CDH12: variants seen among roughly 807,000 people sequenced by gnomAD.
CDH12 encodes the protein cadherin-12.
A neutral mutation model predicts 74.1 loss-of-function variants in CDH12; 41 were observed. The observed-to-expected ratio is 0.55, with a 90% CI of 0.43 to 0.72. The LOEUF (loss-of-function observed/expected upper bound fraction) is 0.72. Ranked by LOEUF, CDH12 falls within the 30% of genes least tolerant of loss-of-function variation. CDH12 has a pLI of 0.00. For synonymous variants in CDH12, 399 were observed against 355.0 expected (o/e 1.12, Z -1.39); for missense variants, 945 against 977.2 (o/e 0.97, Z 0.44).
chr5:21,783,393 G>T lies in CDH12; in HGVS notation c.1358C>A (p.Ala453Glu). ...CGCAATTATGGAGAAATTATACTGC[G>T]CAGTGCTTTCTCTGTCTAGTAATTC... ...TNELLDRESTAQYNFSIIASK... is the reference protein window; with the variant it reads ...TNELLDRESTEQYNFSIIASK... The change falls in exon 11 of 15, where the codon GCG becomes GAG. Residue 453 changes from alanine to glutamate, a missense_variant. Transcript: ENST00000382254. The T allele has an allele frequency of 6.2e-7, 1 of 1,612,548 alleles. No individual in the cohort carries two copies. Among genetic ancestry groups the T allele is most frequent in the Non-Finnish European group, 8.5e-7 (1 of 1,178,720 alleles).
chr5:21,773,322 AC>A, intron 11 of CDH12, among the ~76,000 whole-genome samples: 1 of 152,128 alleles, frequency 6.6e-6, no homozygotes, highest in East Asian at 1.9e-4. Context: ...GAGTCAGTGA[AC>A]TGAAAGAGGC....
At chr5:22,276,140 C>T (rs1047247950) in intron 3 of CDH12, among the ~76,000 whole-genome samples, 1 of 152,070 alleles carries the variant, frequency 6.6e-6, no homozygotes, top group Non-Finnish European at 1.5e-5. Context: ...ATTAACCAAG[C>T]TTTAAGTGTT....
At chr5:22,789,361 T>C (rs974464220) in intron 1 of CDH12, among the ~76,000 whole-genome samples, 1 of 151,958 alleles carries the variant, frequency 6.6e-6, no homozygotes. Flanking sequence ...ACAAAAAAAT[T>C]GTAATATAGA....
intron 9 of CDH12, among the ~76,000 whole-genome samples, chr5:21,808,360 T>G (rs540130374): frequency 2.0e-5 from 3 of 152,152 alleles, no homozygotes; most frequent in African/African-American, 7.2e-5. Context: ...ACTTCAATTT[T>G]TATAGTAAGC....
At chr5:22,377,162 C>G (rs571178562) in intron 3 of CDH12, among the ~76,000 whole-genome samples, 58 of 152,184 alleles carry the variant, frequency 3.8e-4, no homozygotes, top group African/African-American at 1.3e-3. Flanking sequence ...ATACAGCAAC[C>G]AATAATACCA....
chr5:22,315,795 A>T (rs1223532131), intron 3 of CDH12, among the ~76,000 whole-genome samples: 20 of 152,208 alleles, frequency 1.3e-4, no homozygotes, highest in Admixed American at 1.3e-3. Context: ...AGAGTAATAA[A>T]AGATGGCTTT....
At chr5:22,409,551 C>CAT (rs1389263594) in intron 2 of CDH12, among the ~76,000 whole-genome samples, 22 of 152,078 alleles carry the variant, frequency 1.4e-4, no homozygotes, top group Middle Eastern at 3.4e-3. Context: ...ACTCTAGAGT[C>CAT]ATAATACTTT....
intron 2 of CDH12, among the ~76,000 whole-genome samples, chr5:22,442,869 T>C (rs1436925731): frequency 6.6e-6 from 1 of 152,158 alleles, no homozygotes; most frequent in Non-Finnish European, 1.5e-5. Flanking sequence ...TATAACATCA[T>C]TGAATAATCA....
chr5:22,216,117 G>A (rs1297731914), intron 3 of CDH12, among the ~76,000 whole-genome samples: 3 of 151,910 alleles, frequency 2.0e-5, no homozygotes, highest in African/African-American at 7.2e-5. Flanking sequence ...CCACTATGTC[G>A]AACAAATATG....
chr5:21,827,301 AT>A (rs1748731760), intron 8 of CDH12, among the ~76,000 whole-genome samples: 1 of 152,026 alleles, frequency 6.6e-6, no homozygotes, highest in Non-Finnish European at 1.5e-5. Flanking sequence ...AGTGATGCAA[AT>A]TTCAATTTAC....
intron 5 of CDH12, among the ~76,000 whole-genome samples, chr5:22,001,444 T>C (rs1392527342): frequency 6.6e-6 from 1 of 152,182 alleles, no homozygotes; most frequent in Admixed American, 6.6e-5. Flanking sequence ...CCTTATGCAG[T>C]AAACATGGGA....
At chr5:21,781,194 A>T (rs1354971439) in intron 11 of CDH12, among the ~76,000 whole-genome samples, 1 of 152,150 alleles carries the variant, frequency 6.6e-6, no homozygotes, top group Non-Finnish European at 1.5e-5. Context: ...TCAGCTGGAC[A>T]CAGGAGAAAG....
chr5:21,833,301 TTATATGTTATATGTTATA>T (rs1749291877), intron 8 of CDH12, among the ~76,000 whole-genome samples: 2 of 52,060 alleles, frequency 3.8e-5, no homozygotes, highest in Non-Finnish European at 5.4e-5. Flanking sequence ...ATAATATATA[TTATATGTTATATGTTATA>T]TAATATATAT....
At chr5:22,609,103 C>A (rs1478171083) in intron 1 of CDH12, among the ~76,000 whole-genome samples, 1 of 151,968 alleles carries the variant, frequency 6.6e-6, no homozygotes, top group African/African-American at 2.4e-5. Context: ...AGTGGGTGAC[C>A]CCCTATTTTG....
intron 1 of CDH12, among the ~76,000 whole-genome samples, chr5:22,614,171 C>G (rs1203432356): frequency 6.6e-6 from 1 of 152,036 alleles, no homozygotes; most frequent in East Asian, 1.9e-4. Flanking sequence ...GTATTTGACG[C>G]ACATTTATTA....
chr5:21,866,899 C>T (rs990442676), intron 6 of CDH12, among the ~76,000 whole-genome samples: 1 of 152,076 alleles, frequency 6.6e-6, no homozygotes, highest in Non-Finnish European at 1.5e-5. Flanking sequence ...GTGGGCCTGC[C>T]CCAGGGTCCC....
chr5:21,871,156 G>A (rs1247304022), intron 6 of CDH12, among the ~76,000 whole-genome samples: 1 of 152,068 alleles, frequency 6.6e-6, no homozygotes, highest in Non-Finnish European at 1.5e-5. Flanking sequence ...AATAGTGAGG[G>A]CTAAGAATTC....
At chr5:21,852,549 C>T (rs191985504) in intron 7 of CDH12, among the ~76,000 whole-genome samples, 564 of 151,214 alleles carry the variant, frequency 3.7e-3, no homozygotes, top group Non-Finnish European at 5.9e-3. Context: ...CCATCCTTTA[C>T]GTTTAAATTT....
At chr5:22,309,069 G>C (rs1195351758) in intron 3 of CDH12, among the ~76,000 whole-genome samples, 2 of 152,138 alleles carry the variant, frequency 1.3e-5, no homozygotes, top group Non-Finnish European at 2.9e-5. Flanking sequence ...AAAAATGGGA[G>C]AGTTTGCAAG....
Sources: gnomAD v4.1 joint callset for allele counts (sites outside exome capture counted in the v4.1 genomes callset) on GRCh38, gnomAD v4.1.1 for gene constraint, MANE v1.5 for transcripts, NCBI Gene and HGNC (gene_info 2026-07-23, HGNC 2026-07-21) for gene names.